The following PAH variants were observed in gnomAD, a reference collection of about 807,000 sequenced individuals.
The protein encoded by PAH is phenylalanine hydroxylase, also known as phenylalanine-4-hydroxylase.
Under a neutral mutation model 62.0 loss-of-function variants are expected in PAH, and 64 were observed. The observed-to-expected ratio is 1.03, with a 90% CI of 0.84 to 1.27. The LOEUF is 1.27. Among genes scored for constraint, PAH ranks in the 50% most tolerant of loss-of-function variants. PAH has a pLI of 0.00. For missense variants in PAH, 579 were observed against 542.8 expected, an observed-to-expected ratio of 1.07 and a Z score of -0.66; for synonymous variants, 195 against 196.2, an observed-to-expected ratio of 0.99 and a Z score of 0.05.
At chr12:102,918,471 A>G (rs575771027), upstream of PAH, among the ~76,000 whole-genome samples, 8 of 152,018 alleles carry the variant, frequency 5.3e-5, no homozygotes, top group Non-Finnish European at 8.8e-5. Context: ...ATAAATAAAT[A>G]AATAAGTAAA....
intron 1 of PAH, among the ~76,000 whole-genome samples, chr12:102,956,198 G>A (rs1456886249): frequency 2.0e-5 from 3 of 152,206 alleles, no homozygotes; most frequent in Non-Finnish European, 4.4e-5. Context: ...AAATCAAATG[G>A]ATGATTGCCC....
chr12:102,941,417 C>T (rs1381827277), intron 1 of PAH, among the ~76,000 whole-genome samples: 1 of 152,146 alleles, frequency 6.6e-6, no homozygotes, highest in Non-Finnish European at 1.5e-5. Flanking sequence ...AGAGAACCAT[C>T]TGACATGAAT....
At position 102,863,254 on chromosome 12, in the gene PAH, G is replaced by A. The variant is rs139931978; in HGVS notation, c.509+3342C>T. 2.1e-3 allele frequency among the ~76,000 whole-genome samples: 320 copies of A among 152,248 alleles called. 1 individual carries two copies. Among genetic ancestry groups the A allele is most frequent in the Non-Finnish European group, 2.7e-3 (187 of 68,010 alleles). On this transcript the variant is annotated intron_variant, in intron 5 of 12. Transcript: ENST00000553106. ...TTGGATAATTGATCATTACCATTAT[G>A]ACTGATTCTCATTTTAAAAGAAAGG... is the stretch of plus-strand genomic sequence containing the variant.
chr12:102,941,572 A>G (rs2136762850), intron 1 of PAH, among the ~76,000 whole-genome samples: 1 of 152,314 alleles, frequency 6.6e-6, no homozygotes, highest in East Asian at 1.9e-4. Context: ...AGAGGATCAC[A>G]TAATAATACA....
At chr12:102,902,113 G>A (rs1480889328) in intron 2 of PAH, among the ~76,000 whole-genome samples, 1 of 152,162 alleles carries the variant, frequency 6.6e-6, no homozygotes, top group Non-Finnish European at 1.5e-5. Flanking sequence ...AAAATAAACA[G>A]GTAACCTTTA....
intron 3 of PAH, chr12:102,886,028 A>G (rs1877026512): frequency 1.3e-5 from 2 of 152,296 alleles, no homozygotes; most frequent in African/African-American, 4.8e-5. Flanking sequence ...TGGCATGCCA[A>G]CATCCTGCAG....
intron 1 of PAH, among the ~76,000 whole-genome samples, chr12:102,940,586 T>G (rs943947132): frequency 1.7e-4 from 26 of 152,210 alleles, no homozygotes; most frequent in African/African-American, 5.8e-4. Context: ...GCTCAAAGAC[T>G]GGTTCTTTGA....
intron 4 of PAH, among the ~76,000 whole-genome samples, chr12:102,870,154 G>C (rs948997666): frequency 6.6e-6 from 1 of 152,094 alleles, no homozygotes; most frequent in Non-Finnish European, 1.5e-5. Flanking sequence ...TGTGTGGGTG[G>C]GTTTAGGGGA....
intron 1 of PAH, 144 bp from the exon 2 acceptor site, chr12:102,913,042 A>T: frequency 3.0e-6 from 2 of 661,632 alleles, no homozygotes; most frequent in South Asian, 3.3e-5. Flanking sequence ...TCTATACAGA[A>T]ATATGTAGTG....
At position 102,917,177 on chromosome 12, in the gene PAH, AC is replaced by A. The variant is rs763402355; in HGVS notation, c.-48del. 68 of 1,583,174 alleles carry A rather than the reference AC, an allele frequency of 4.3e-5. No individual in the cohort carries two copies. The African/African-American group carries it at 8.7e-4, about 20-fold the overall frequency. On this transcript the variant is annotated 5_prime_UTR_variant, in exon 1 of 13. Transcript: ENST00000553106. ...TCTCTGGCTTTTTAGGGCCTCAGGT[AC>A]AGGCAGGTTTGCAAACAGCACGTGG...
At chr12:102,902,264 G>T (rs139949179) in intron 2 of PAH, among the ~76,000 whole-genome samples, 14 of 152,234 alleles carry the variant, frequency 9.2e-5, no homozygotes, top group African/African-American at 3.4e-4. Context: ...GGAAGCGGGG[G>T]TGTGAAGACA....
At chr12:102,944,150 G>T (rs778036258) in intron 1 of PAH, among the ~76,000 whole-genome samples, 1 of 152,134 alleles carries the variant, frequency 6.6e-6, no homozygotes, top group Non-Finnish European at 1.5e-5. Flanking sequence ...TTGGAGATCC[G>T]TTGCACGTTT....
intron 1 of PAH, among the ~76,000 whole-genome samples, chr12:102,926,413 T>TG (rs373296531): frequency 9.4e-4 from 143 of 151,482 alleles, no homozygotes; most frequent in African/African-American, 2.7e-3. Context: ...AGCCAGTTGT[T>TG]GGGGGGGCGG....
In PAH at chr12:102,852,917, C is replaced by T. The variant is rs199475579; in HGVS notation, c.740G>A (p.Gly247Asp). 5 of 1,614,034 alleles carry T rather than the reference C, an allele frequency of 3.1e-6. No individual in the cohort carries two copies. In the South Asian group the frequency reaches 5.5e-5, roughly 18 times the overall value. The part of the protein sequence containing the change: ...CTGFRLRPVA[G>D]LLSSRDFLGG... ...CAAGAAATCCCGAGAGGAAAGCAGG[C>T]CAGCCACAGGTCGGAGGCGGAAACC... The change falls in exon 7 of 13, where the codon GGC becomes GAC. Residue 247 changes from glycine to aspartate, a missense_variant. Transcript: ENST00000553106.
chr12:102,879,712 G>A (rs1476231201), intron 3 of PAH, among the ~76,000 whole-genome samples: 2 of 152,158 alleles, frequency 1.3e-5, no homozygotes, highest in African/African-American at 4.8e-5. Context: ...GTGGAGTCAG[G>A]ATTCAAATGC....
At chr12:102,895,019 A>G (rs1421431187) in intron 2 of PAH, 101 bp from the exon 3 acceptor site, 2 of 868,166 alleles carry the variant, frequency 2.3e-6, no homozygotes, top group Non-Finnish European at 1.9e-6. Context: ...CAAAATGGAG[A>G]GTTCAAGAAT....
intron 5 of PAH, among the ~76,000 whole-genome samples, chr12:102,865,766 T>C (rs1875927604): frequency 6.6e-6 from 1 of 152,224 alleles, no homozygotes; most frequent in African/African-American, 2.4e-5. Flanking sequence ...CCGGAGGTTT[T>C]TCCATGTTGA....
Position 102,868,059 on chromosome 12 carries a change from T to C in PAH, c.442-1396A>G, listed in dbSNP as rs565573839. On this transcript the variant is annotated intron_variant, in intron 4 of 12. Coordinates refer to ENST00000553106, the MANE Select transcript of PAH (RefSeq NM_000277.3). ...ATACACCTATATATATGTATATATA[T>C]ACACATATATATACATATATGTGTG... Among the ~76,000 whole-genome samples the C allele has an allele frequency of 5.0e-3, 640 of 126,954 alleles. 165 individuals are homozygous for C. The highest frequency in any genetic ancestry group is 0.02 in the African/African-American group (610 of 30,726). The allele number at this position is 126,954 out of a possible 152,430, so 83.3% of individuals were successfully genotyped here. A position where few individuals can be genotyped will look rare whatever the true frequency, so the allele number is the denominator to read the frequency against.
At chr12:102,918,269 T>G (rs1243928423), upstream of PAH, among the ~76,000 whole-genome samples, 2 of 152,104 alleles carry the variant, frequency 1.3e-5, no homozygotes. Context: ...TATAAAAGAA[T>G]GCTGGAAAGC....
Sources: allele counts gnomAD v4.1 joint callset (sites outside exome capture counted in the v4.1 genomes callset), GRCh38; gene constraint gnomAD v4.1.1; transcripts MANE v1.5; gene names NCBI Gene and HGNC (gene_info 2026-07-23, HGNC 2026-07-21).